RALGPS1: variants seen among roughly 807,000 people sequenced by gnomAD.
RALGPS1 encodes ras-specific guanine nucleotide-releasing factor RalGPS1.
A neutral mutation model predicts 78.8 loss-of-function variants in RALGPS1; 19 were observed. That is an observed-to-expected ratio of 0.24 (90% confidence interval 0.17 to 0.35). The LOEUF is 0.35. Ranked by LOEUF, RALGPS1 falls within the 10% of genes least tolerant of loss-of-function variation. The pLI is 1.00. For missense variants in RALGPS1, 454 were observed against 688.3 expected, an observed-to-expected ratio of 0.66 and a Z score of 3.81; for synonymous variants, 228 against 256.3, an observed-to-expected ratio of 0.89 and a Z score of 1.06.
chr9:127,011,241 G>A (rs2044314130), intron 4 of RALGPS1, among the ~76,000 whole-genome samples: 1 of 151,936 alleles, frequency 6.6e-6, no homozygotes, highest in Non-Finnish European at 1.5e-5. Flanking sequence ...GCAGTGGCGT[G>A]ACCTCGGCTC....
intron 4 of RALGPS1, among the ~76,000 whole-genome samples, chr9:127,020,417 G>A (rs886818157): frequency 2.6e-5 from 4 of 152,232 alleles, no homozygotes; most frequent in Non-Finnish European, 5.9e-5. Flanking sequence ...AGATTGAACT[G>A]TGCTGAGACA....
Position 127,209,300 on chromosome 9 carries a change from G to A in RALGPS1, c.1248-2831G>A, listed in dbSNP as rs533233340. On this transcript the variant is annotated intron_variant, in intron 14 of 18. Coordinates refer to ENST00000259351, the MANE Select transcript of RALGPS1 (RefSeq NM_014636.3). ...TGGCCGTGCTAGTGCACTCACTTGC[G>A]AGGTGCCCAGCATGTGGTGCCGGTA... 1.1e-4 allele frequency among the ~76,000 whole-genome samples: 16 copies of A among 152,354 alleles called. 1 individual carries two copies. In the South Asian group the frequency reaches 2.3e-3, roughly 22 times the overall value.
At chr9:126,942,057 G>A (rs2036844808) in intron 1 of RALGPS1, among the ~76,000 whole-genome samples, 2 of 152,194 alleles carry the variant, frequency 1.3e-5, no homozygotes, top group Admixed American at 1.3e-4. Flanking sequence ...AGAAAGCTGA[G>A]GTTTAGAGAG....
intron 1 of RALGPS1, among the ~76,000 whole-genome samples, chr9:126,920,343 G>C (rs1318003967): frequency 6.6e-6 from 1 of 152,176 alleles, no homozygotes; most frequent in African/African-American, 2.4e-5. Flanking sequence ...GCTAGGTGTA[G>C]GCTTTGGGTA....
chr9:126,987,981 G>C (rs951949760), intron 4 of RALGPS1, among the ~76,000 whole-genome samples: 3 of 152,164 alleles, frequency 2.0e-5, no homozygotes, highest in African/African-American at 7.2e-5. Context: ...CAGGAGAACG[G>C]GGTGGCCAAG....
At chr9:127,213,157 C>A in intron 17 of RALGPS1, 108 bp downstream of exon 17, 1 of 1,507,822 alleles carries the variant, frequency 6.6e-7, no homozygotes, top group East Asian at 2.4e-5. Context: ...GCTGCCTTCC[C>A]TTTGCTTTAG....
intron 5 of RALGPS1, among the ~76,000 whole-genome samples, chr9:127,037,828 T>C (rs1239775600): frequency 6.6e-6 from 1 of 152,262 alleles, no homozygotes; most frequent in Non-Finnish European, 1.5e-5. Context: ...TTGTTTGTTA[T>C]GATCTAATCA....
intron 7 of RALGPS1, among the ~76,000 whole-genome samples, chr9:127,056,524 T>C (rs1402315358): frequency 6.6e-6 from 1 of 152,220 alleles, no homozygotes. Flanking sequence ...ATCCAAGGAC[T>C]ACATTTGGCA....
intron 8 of RALGPS1, among the ~76,000 whole-genome samples, chr9:127,121,195 A>G (rs974381211): frequency 6.6e-6 from 1 of 152,250 alleles, no homozygotes; most frequent in African/African-American, 2.4e-5. Context: ...AGTAAGTGCA[A>G]TATAAGTGTT....
At chr9:127,064,772 G>A (rs2049528284) in intron 7 of RALGPS1, among the ~76,000 whole-genome samples, 1 of 152,210 alleles carries the variant, frequency 6.6e-6, no homozygotes, top group African/African-American at 2.4e-5. Context: ...GTGTTTTAAT[G>A]ATTAGGAATG....
chr9:126,991,476 C>G (rs1165420135), intron 4 of RALGPS1, among the ~76,000 whole-genome samples: 1 of 152,108 alleles, frequency 6.6e-6, no homozygotes, highest in Non-Finnish European at 1.5e-5. Context: ...CAAAACAGAG[C>G]CTTTGGTGAA....
rs2039664608 is a variant in RALGPS1 at position 126,967,767 on chromosome 9, G to A, written c.165+1816G>A. Among the ~76,000 whole-genome samples the A allele has an allele frequency of 2.6e-5, 4 of 152,034 alleles. No individual in the cohort carries two copies. The South Asian group carries it at 8.3e-4, about 32-fold the overall frequency. Reference sequence around the variant, plus strand: ...TGCTGTGGCTGGTCTCCAATTCTTGGACTCAAGTGATCCTTCCACCTCAGC... The same window carrying A: ...TGCTGTGGCTGGTCTCCAATTCTTGAACTCAAGTGATCCTTCCACCTCAGC... On this transcript the variant is annotated intron_variant, in intron 3 of 18. Coordinates refer to ENST00000259351, the MANE Select transcript of RALGPS1 (RefSeq NM_014636.3).
At chr9:127,041,809 T>TA (rs2047345053) in intron 5 of RALGPS1, among the ~76,000 whole-genome samples, 1 of 152,164 alleles carries the variant, frequency 6.6e-6, no homozygotes, top group South Asian at 2.1e-4. Context: ...GGATTCAACA[T>TA]AATCTATGGG....
intron 5 of RALGPS1, among the ~76,000 whole-genome samples, chr9:127,042,272 T>C (rs2047383337): frequency 6.6e-6 from 1 of 152,172 alleles, no homozygotes; most frequent in South Asian, 2.1e-4. Context: ...ATAACAATAA[T>C]AGTGTTAATA....
chr9:127,010,758 TCCA>T (rs2044266846), intron 4 of RALGPS1, among the ~76,000 whole-genome samples: 1 of 152,224 alleles, frequency 6.6e-6, no homozygotes, highest in African/African-American at 2.4e-5. Flanking sequence ...CTCAAAATCA[TCCA>T]CGTTAGTGCA....
At chr9:127,177,500 C>T (rs1420445379) in intron 11 of RALGPS1, among the ~76,000 whole-genome samples, 4 of 152,202 alleles carry the variant, frequency 2.6e-5, no homozygotes, top group Non-Finnish European at 5.9e-5. Context: ...TGCATTTCAC[C>T]ACCATCTGCC....
intron 8 of RALGPS1, among the ~76,000 whole-genome samples, chr9:127,101,694 G>C (rs2053746089): frequency 6.6e-6 from 1 of 152,144 alleles, no homozygotes; most frequent in Admixed American, 6.5e-5. Flanking sequence ...AGTTTGTAGT[G>C]GTCTCTCTGC....
At chr9:127,185,422 G>A (rs10819271) in intron 11 of RALGPS1, among the ~76,000 whole-genome samples, 4 of 152,032 alleles carry the variant, frequency 2.6e-5, no homozygotes, top group East Asian at 3.9e-4. Context: ...GTGTTCTCAC[G>A]TGCACCGTGC....
chr9:127,170,967 A>G (rs2059539180), intron 10 of RALGPS1, among the ~76,000 whole-genome samples: 2 of 152,136 alleles, frequency 1.3e-5, no homozygotes, highest in Admixed American at 6.5e-5. Context: ...TTGAGGACCC[A>G]CACTCCATGG....
Sources: allele counts gnomAD v4.1 joint callset (sites outside exome capture counted in the v4.1 genomes callset), GRCh38; gene constraint gnomAD v4.1.1; transcripts MANE v1.5; gene names NCBI Gene and HGNC (gene_info 2026-07-23, HGNC 2026-07-21).